AP2A2: variants seen among roughly 807,000 people sequenced by gnomAD.
AP2A2 encodes adaptor related protein complex 2 subunit alpha 2.
A neutral mutation model predicts 104.2 loss-of-function variants in AP2A2; 32 were observed. The ratio of observed to expected loss-of-function variants is 0.31; its 90% CI spans 0.23 to 0.41. AP2A2 has a LOEUF of 0.41. Among genes scored for constraint, AP2A2 ranks in the 10% least tolerant of loss-of-function variants. The pLI is 1.00. For missense variants in AP2A2, 912 were observed against 1,261.0 expected, an observed-to-expected ratio of 0.72 and a Z score of 4.19; for synonymous variants, 539 against 533.3, an observed-to-expected ratio of 1.01 and a Z score of -0.15.
chr11:929,738 A>G (rs903658076), intron 1 of AP2A2, among the ~76,000 whole-genome samples: 1 of 151,636 alleles, frequency 6.6e-6, no homozygotes, highest in Admixed American at 6.6e-5. Context: ...TGAGGCTGCC[A>G]TGAACTCGGA....
chr11:1,010,782 G>A lies in AP2A2; in HGVS notation c.*157G>A, dbSNP rs1856401878. The A allele has an allele frequency of 7.1e-6, 5 of 703,944 alleles. No homozygotes were observed. Among genetic ancestry groups the A allele is most frequent in the African/African-American group, 3.5e-5 (2 of 57,244 alleles). 43.6% of individuals were successfully genotyped at this position (703,944 alleles called of 1,614,324 possible). ...CACACCTCTCCCCTTTGGGCTGGAC[G>A]GGAACACACGTGTGTGGCTCAGGAG... is the stretch of plus-strand genomic sequence containing the variant. On this transcript the variant is annotated 3_prime_UTR_variant, in exon 22 of 22. Coordinates refer to ENST00000448903, the MANE Select transcript of AP2A2 (RefSeq NM_012305.4).
intron 1 of AP2A2, among the ~76,000 whole-genome samples, chr11:930,997 C>T (rs1853274966): frequency 6.6e-6 from 1 of 152,166 alleles, no homozygotes; most frequent in Non-Finnish European, 1.5e-5. Context: ...TTCCCTACCT[C>T]AGTCAAGATA....
chr11:995,011 G>A (rs1421531795), intron 14 of AP2A2, among the ~76,000 whole-genome samples: 1 of 151,968 alleles, frequency 6.6e-6, no homozygotes, highest in Non-Finnish European at 1.5e-5. Context: ...TGTCCCGGGG[G>A]CCACTGTCCC....
intron 1 of AP2A2, among the ~76,000 whole-genome samples, chr11:950,329 T>G (rs1471545667): frequency 1.3e-5 from 2 of 151,088 alleles, no homozygotes; most frequent in Non-Finnish European, 3.0e-5. Flanking sequence ...TTTTTTTTTT[T>G]GACAGAGTTT....
intron 21 of AP2A2, 182 bp from the exon 22 acceptor site, chr11:1,010,366 C>T (rs1306640679): frequency 1.7e-6 from 1 of 601,594 alleles, no homozygotes; most frequent in Non-Finnish European, 2.9e-6. Flanking sequence ...CCAGGCGCTC[C>T]CATGCCAGCC....
chr11:977,462 GAC>G (rs974331039), intron 5 of AP2A2, among the ~76,000 whole-genome samples: 1 of 150,746 alleles, frequency 6.6e-6, no homozygotes, highest in African/African-American at 2.4e-5. Flanking sequence ...AGGCTCTGCA[GAC>G]ACCCCCAGCT....
intron 1 of AP2A2, among the ~76,000 whole-genome samples, chr11:949,535 C>T (rs1264646447): frequency 1.3e-5 from 2 of 151,934 alleles, no homozygotes; most frequent in African/African-American, 2.4e-5. Context: ...CCAGCACTTT[C>T]GGAGGCCGAG....
chr11:959,307 T>G, intron 1 of AP2A2, 130 bp from the exon 2 acceptor site: 3 of 682,714 alleles, frequency 4.4e-6, no homozygotes, highest in Non-Finnish European at 7.7e-6. Flanking sequence ...AGGTGTCTGC[T>G]TCGGCTTTTC....
chr11:925,913 TC>T lies in AP2A2; in HGVS notation c.-105del. 2.4e-6 allele frequency: 2 copies of T among 828,878 alleles called. No individual in the cohort carries two copies. The highest frequency in any genetic ancestry group is 3.3e-6 in the Non-Finnish European group (2 of 603,912). 51.3% of individuals were successfully genotyped at this position (828,878 alleles called of 1,614,324 possible). ...CCTGAGGCGGCCGTGGTTAGGCGGC[TC>T]CCCGGCGGCTCCTCCGCGGCGGTGA... is the stretch of plus-strand genomic sequence containing the variant. On this transcript the variant is annotated 5_prime_UTR_variant, in exon 1 of 22. Transcript: ENST00000448903.
In AP2A2 at chr11:1,010,650, G is replaced by T; in HGVS notation, c.*25G>T. 6.5e-7 allele frequency: 1 copy of T among 1,546,032 alleles called. No individual in the cohort carries two copies. The stretch of plus-strand genomic sequence containing the variant: ...GTCCTGAGGATGGAAGACCAGGCTC[G>T]TGTGTCTTGTGTTGTCTTCGTCTGT... On this transcript the variant is annotated 3_prime_UTR_variant, in exon 22 of 22. Transcript: ENST00000448903.
chr11:1,010,821 T>C lies in AP2A2; in HGVS notation c.*196T>C. The C allele has an allele frequency of 1.5e-6, 1 of 656,798 alleles. No homozygotes were observed. The highest frequency in any genetic ancestry group is 2.7e-5 in the East Asian group (1 of 36,826). 40.7% of individuals were successfully genotyped at this position (656,798 alleles called of 1,614,324 possible). A position where few individuals can be genotyped will look rare whatever the true frequency, so the allele number is the denominator to read the frequency against. ...GTGGCTCAGGAGGAAAAGCTCAGCC[T>C]GGACTGTGGCAGCCACGGCAGAAGG... On this transcript the variant is annotated 3_prime_UTR_variant, in exon 22 of 22. Coordinates refer to ENST00000448903, the MANE Select transcript of AP2A2 (RefSeq NM_012305.4).
At chr11:1,001,435 CCAGAT>C (rs1856027830) in intron 15 of AP2A2, 2 of 152,334 alleles carry the variant, frequency 1.3e-5, no homozygotes, top group Admixed American at 1.3e-4. Flanking sequence ...GGTTTCTGTC[CCAGAT>C]GGAGGTTAGA....
chr11:969,289 G>A (rs1398108768), intron 2 of AP2A2, among the ~76,000 whole-genome samples: 6 of 139,886 alleles, frequency 4.3e-5, no homozygotes, highest in Admixed American at 3.7e-4. Flanking sequence ...GGAGTGCAAT[G>A]GTGTGGTCTT....
At chr11:994,350 C>T in intron 14 of AP2A2, 105 bp downstream of exon 14, 2 of 1,429,696 alleles carry the variant, frequency 1.4e-6, no homozygotes, top group Non-Finnish European at 1.9e-6. Context: ...TACTGAGAAC[C>T]CAGGCTCTGG....
intron 3 of AP2A2, 75 bp from the exon 4 acceptor site, chr11:971,987 T>G: frequency 1.4e-6 from 2 of 1,404,810 alleles, no homozygotes; most frequent in Non-Finnish European, 1.9e-6. Flanking sequence ...GTGTCACTGA[T>G]TGTTGGGTGA....
chr11:998,314 C>CT (rs1855921923), intron 14 of AP2A2, among the ~76,000 whole-genome samples: 1 of 130,650 alleles, frequency 7.7e-6, no homozygotes, highest in African/African-American at 3.3e-5. Flanking sequence ...AATCCCCATT[C>CT]TGACTCTCAC....
chr11:981,130 T>C, intron 5 of AP2A2, 68 bp from the exon 6 acceptor site: 1 of 1,389,978 alleles, frequency 7.2e-7, no homozygotes, highest in Non-Finnish European at 9.9e-7. Flanking sequence ...AGGTTTTCTT[T>C]GGAAGATGAG....
intron 18 of AP2A2, 53 bp from the exon 19 acceptor site, chr11:1,009,047 G>C: frequency 6.9e-7 from 1 of 1,444,744 alleles, no homozygotes; most frequent in Non-Finnish European, 9.6e-7. Flanking sequence ...CGGTCCCTGG[G>C]GCTCTCAGAG....
intron 2 of AP2A2, among the ~76,000 whole-genome samples, chr11:963,719 C>T (rs1219151908): frequency 6.6e-6 from 1 of 152,222 alleles, no homozygotes; most frequent in Non-Finnish European, 1.5e-5. Flanking sequence ...ACCCCCCGGG[C>T]TCAAGCCATC....
Sources: allele counts gnomAD v4.1 joint callset (sites outside exome capture counted in the v4.1 genomes callset), GRCh38; gene constraint gnomAD v4.1.1; transcripts MANE v1.5; gene names NCBI Gene and HGNC (gene_info 2026-07-23, HGNC 2026-07-21).